AP4E1: variants seen among roughly 807,000 people sequenced by gnomAD.
AP4E1 encodes adaptor related protein complex 4 subunit epsilon 1, also known as AP-4 complex subunit epsilon-1.
A neutral mutation model predicts 128.2 loss-of-function variants in AP4E1; 56 were observed. The ratio of observed to expected loss-of-function variants is 0.44; its 90% confidence interval spans 0.35 to 0.55. The LOEUF (loss-of-function observed/expected upper bound fraction) is 0.55. Ranked by LOEUF, AP4E1 falls within the 20% of genes least tolerant of loss-of-function variation. AP4E1 has a pLI of 0.00. For missense variants in AP4E1, 1,324 were observed against 1,307.7 expected (o/e 1.01, Z -0.19); for synonymous variants, 484 against 473.1 (o/e 1.02, Z -0.30).
At chr15:50,962,889 CAAA>C (rs71127168) in intron 14 of AP4E1, among the ~76,000 whole-genome samples, 140 of 38,714 alleles carry the variant, frequency 3.6e-3, no homozygotes, top group South Asian at 0.011. Flanking sequence ...AATTCAACAG[CAAA>C]AAAAAAAAAA....
At chr15:50,959,141 G>A (rs1168234734) in intron 14 of AP4E1, among the ~76,000 whole-genome samples, 4 of 151,702 alleles carry the variant, frequency 2.6e-5, no homozygotes, top group Non-Finnish European at 5.9e-5. Context: ...AACCTGGGAG[G>A]CAGAGGTTGC....
At chr15:50,962,017 AAATAC>A (rs56115825) in intron 14 of AP4E1, among the ~76,000 whole-genome samples, 23 of 150,970 alleles carry the variant, frequency 1.5e-4, no homozygotes, top group African/African-American at 3.9e-4. Flanking sequence ...ATAAATAAAT[AAATAC>A]AATACAATAC....
Position 50,996,614 on chromosome 15 carries a change from A to G in AP4E1, c.2347-712A>G, listed in dbSNP as rs150208316. Among the ~76,000 whole-genome samples, 833 of 152,246 alleles carry G rather than the reference A, an allele frequency of 5.5e-3. 3 individuals are homozygous for G. Among genetic ancestry groups the G allele is most frequent in the Non-Finnish European group, 7.8e-3 (528 of 68,006 alleles). ...GCCCCCCGGGGGAGTGGAGGTGGAG[A>G]GTAGTGCCAGTCTGCTGCACTGATT... On this transcript the variant is annotated intron_variant, in intron 17 of 20. Transcript: ENST00000261842.
chr15:50,929,036 G>A lies in AP4E1; in HGVS notation c.570G>A (p.Leu190=). Reference sequence around the variant, plus strand: ...AGATTGTACGAAGAAAAGCTGTTCTGGCATTATACAAATTCCATCTCATTG... The same window carrying A: ...AGATTGTACGAAGAAAAGCTGTTCTAGCATTATACAAATTCCATCTCATTG... ...SKEIVRRKAV[L]ALYKFHLIAP... The change falls in exon 6 of 21, where the codon CTG becomes CTA. Residue 190 remains leucine, a synonymous_variant. Transcript: ENST00000261842. 1 of 1,613,656 alleles carries A rather than the reference G, an allele frequency of 6.2e-7. No homozygotes were observed. Among genetic ancestry groups the A allele is most frequent in the Non-Finnish European group, 8.5e-7 (1 of 1,179,830 alleles).
At chr15:50,993,298 G>T in intron 16 of AP4E1, 72 bp from the exon 17 acceptor site, 1 of 1,539,036 alleles carries the variant, frequency 6.5e-7, no homozygotes, top group Non-Finnish European at 9.0e-7. Flanking sequence ...GATATGTTTT[G>T]AAAGAATGCC....
chr15:50,974,219 G>C (rs2064520865), intron 15 of AP4E1, among the ~76,000 whole-genome samples: 1 of 151,148 alleles, frequency 6.6e-6, no homozygotes, highest in Admixed American at 6.6e-5. Flanking sequence ...ACCTGTCTTG[G>C]CTTCCCAAAG....
chr15:50,979,005 G>A (rs2064599382), intron 15 of AP4E1, among the ~76,000 whole-genome samples: 1 of 152,066 alleles, frequency 6.6e-6, no homozygotes, highest in Non-Finnish European at 1.5e-5. Context: ...TCTGCTTGCT[G>A]TCCAAATACT....
rs1394781635 is a variant in AP4E1 at position 50,949,886 on chromosome 15, A to G, written c.1377A>G (p.Gly459=). 6.2e-7 allele frequency: 1 copy of G among 1,613,824 alleles called. No homozygotes were observed. The highest frequency in any genetic ancestry group is 1.7e-5 in the Admixed American group (1 of 60,026). ...TGAATGCTGTGTTTTCAGTAGGAGG[A>G]GATGTAATGCATCCTGATATTCCCA... ...QTMNAVFSVG[G]DVMHPDIPNN... Residue 459 remains glycine (G), a synonymous_variant, in exon 12 of 21, where the codon GGA becomes GGG. Coordinates refer to ENST00000261842, the MANE Select transcript of AP4E1 (RefSeq NM_007347.5).
At chr15:50,963,885 G>C (rs148399258) in intron 14 of AP4E1, among the ~76,000 whole-genome samples, 18 of 152,312 alleles carry the variant, frequency 1.2e-4, no homozygotes, top group Non-Finnish European at 2.4e-4. Flanking sequence ...TGTATTAAAA[G>C]AGACTGTCAC....
At chr15:50,998,307 G>T (rs887188881) in intron 18 of AP4E1, among the ~76,000 whole-genome samples, 2 of 152,006 alleles carry the variant, frequency 1.3e-5, no homozygotes, top group South Asian at 4.2e-4. Flanking sequence ...ACTGACCAGA[G>T]CAAAAATTCC....
rs1048058651 is a variant in AP4E1, at chr15:50,984,917, C to T, written c.2090+772C>T. On this transcript the variant is annotated intron_variant, in intron 16 of 20. Coordinates refer to ENST00000261842, the MANE Select transcript of AP4E1 (RefSeq NM_007347.5). ...CACAATGGTTGAACTAGTTTACAGT[C>T]CCACCAACAGTGTAAAAGTGTTCCT... Among the ~76,000 whole-genome samples, 158 of 152,194 alleles carry T rather than the reference C, an allele frequency of 1.0e-3. 1 individual carries two copies. The highest frequency in any genetic ancestry group is 1.8e-3 in the Non-Finnish European group (119 of 67,990).
chr15:50,999,290 A>G (rs1259897463), intron 19 of AP4E1, 28 bp downstream of exon 19: 3 of 1,584,830 alleles, frequency 1.9e-6, no homozygotes, highest in South Asian at 2.2e-5. Flanking sequence ...TGTTAATTCA[A>G]GTTGTTAATT....
At chr15:50,930,638 A>G (rs2063821747) in intron 6 of AP4E1, among the ~76,000 whole-genome samples, 167 bp from the exon 7 acceptor site, 2 of 152,192 alleles carry the variant, frequency 1.3e-5, no homozygotes, top group African/African-American at 4.8e-5. Context: ...TTGGTTAGCC[A>G]GAGGAATTTT....
chr15:50,965,484 C>T (rs955674571), intron 14 of AP4E1, among the ~76,000 whole-genome samples: 3 of 152,172 alleles, frequency 2.0e-5, no homozygotes, highest in South Asian at 2.1e-4. Flanking sequence ...ATTCATGAAT[C>T]GGGCAATATC....
intron 16 of AP4E1, among the ~76,000 whole-genome samples, chr15:50,985,233 C>T (rs1180632895): frequency 2.0e-5 from 3 of 152,042 alleles, no homozygotes; most frequent in African/African-American, 4.8e-5. Flanking sequence ...GAGTAGATTG[C>T]AAAAATTTTT....
intron 16 of AP4E1, among the ~76,000 whole-genome samples, chr15:50,991,522 T>C (rs1465445089): frequency 6.6e-6 from 1 of 152,270 alleles, no homozygotes; most frequent in East Asian, 1.9e-4. Context: ...AACCAATTTT[T>C]GTCTAAGAGG....
chr15:50,920,476 G>A (rs1249182679), intron 3 of AP4E1, among the ~76,000 whole-genome samples: 4 of 149,340 alleles, frequency 2.7e-5, no homozygotes, highest in Admixed American at 6.7e-5. Flanking sequence ...GCGCCACCTC[G>A]GTTCACTGCA....
chr15:50,941,270 C>G (rs1035078256), intron 8 of AP4E1, among the ~76,000 whole-genome samples, 172 bp from the exon 9 acceptor site: 2 of 152,062 alleles, frequency 1.3e-5, no homozygotes, highest in East Asian at 3.9e-4. Flanking sequence ...TAACCTAATC[C>G]TAGTAACTGG....
intron 19 of AP4E1, 56 bp from the exon 20 acceptor site, chr15:51,000,970 G>A (rs2064954190): frequency 1.6e-6 from 2 of 1,284,478 alleles, no homozygotes; most frequent in South Asian, 2.4e-5. Flanking sequence ...GAAATTTGTT[G>A]TTTAGAATCA....
Sources: allele counts gnomAD v4.1 joint callset (sites outside exome capture counted in the v4.1 genomes callset), GRCh38; gene constraint gnomAD v4.1.1; transcripts MANE v1.5; gene names NCBI Gene and HGNC (gene_info 2026-07-23, HGNC 2026-07-21).